The following XYLT1 variants were observed in gnomAD, a reference collection of about 807,000 sequenced individuals.
XYLT1 encodes the protein beta-D-xylosyltransferase 1.
Under a neutral mutation model 91.3 loss-of-function variants are expected in XYLT1, and 36 were observed. That is an observed-to-expected ratio of 0.39 (90% CI 0.30 to 0.52). XYLT1 has a LOEUF of 0.52. XYLT1 is among the 20% of genes least tolerant of loss of function. The probability of loss-of-function intolerance (pLI) is 0.68; values close to 1 mark genes in which losing one functional copy is unlikely to be tolerated. For synonymous variants in XYLT1, 588 were observed against 532.0 expected (o/e 1.11, Z -1.45); for missense variants, 1,242 against 1,284.5 (o/e 0.97, Z 0.51).
rs71137974 is a variant in XYLT1, at chr16:17,140,658, C to CAAAAAAAAAAAAA, written c.1587+482_1587+494dup. 2.9e-4 allele frequency among the ~76,000 whole-genome samples: 20 copies of CAAAAAAAAAAAAA among 68,028 alleles called. 1 individual carries two copies. The highest frequency in any genetic ancestry group is 1.1e-3 in the African/African-American group (19 of 17,108). 44.6% of individuals were successfully genotyped at this position (68,028 alleles called of 152,430 possible). A position where few individuals can be genotyped will look rare whatever the true frequency, so the allele number is the denominator to read the frequency against. ...CCTGGATGACAGAGGAAGACTGTCT[C>CAAAAAAAAAAAAA]AAAAAAAAAAAAAAAAAAAAAAAAA... On this transcript the variant is annotated intron_variant, in intron 7 of 11. Transcript: ENST00000261381.
At chr16:17,425,379 T>C (rs1363901073) in intron 1 of XYLT1, among the ~76,000 whole-genome samples, 2 of 152,168 alleles carry the variant, frequency 1.3e-5, no homozygotes, top group African/African-American at 2.4e-5. Context: ...ACCATTTTTC[T>C]TGGACCTACC....
intron 2 of XYLT1, among the ~76,000 whole-genome samples, chr16:17,303,979 A>C (rs1294238165): frequency 1.3e-5 from 2 of 151,692 alleles, no homozygotes; most frequent in Admixed American, 6.6e-5. Flanking sequence ...TGAGCAATGC[A>C]TGTGTGTATA....
chr16:17,125,738 GTTTGTT>G (rs753810841), intron 10 of XYLT1, among the ~76,000 whole-genome samples: 16 of 152,080 alleles, frequency 1.1e-4, no homozygotes, highest in Non-Finnish European at 2.4e-4. Flanking sequence ...TAGCTGAGCT[GTTTGTT>G]TTTGTTTATC....
chr16:17,444,689 T>C lies in XYLT1; in HGVS notation c.363+25745A>G, dbSNP rs191321477. Among the ~76,000 whole-genome samples, 231 of 152,184 alleles carry C rather than the reference T, an allele frequency of 1.5e-3. 1 individual carries two copies. Among genetic ancestry groups the C allele is most frequent in the African/African-American group, 4.8e-3 (201 of 41,488 alleles). On this transcript the variant is annotated intron_variant, in intron 1 of 11. Transcript: ENST00000261381. ...GCCTAGGAGAGCATGCTGCACATAG[T>C]AGATGCTCAATAAATATTTGTTAAA...
rs141766822 is a variant in XYLT1 at position 17,239,141 on chromosome 16, A to G, written c.913+19847T>C. Among the ~76,000 whole-genome samples the G allele has an allele frequency of 6.6e-5, 10 of 152,314 alleles. No homozygotes were observed. In the East Asian group the frequency reaches 1.9e-3, roughly 29 times the overall value. On this transcript the variant is annotated intron_variant, in intron 3 of 11. Transcript: ENST00000261381. ...TTGAACCTATTGTCATTTCTTGCCTAGACTACCCCAAAGGCATGCTTACTG... is the reference window on the plus strand; with the variant it reads ...TTGAACCTATTGTCATTTCTTGCCTGGACTACCCCAAAGGCATGCTTACTG...
chr16:17,391,835 G>A (rs1191835335), intron 1 of XYLT1, among the ~76,000 whole-genome samples: 3 of 152,118 alleles, frequency 2.0e-5, no homozygotes, highest in Non-Finnish European at 2.9e-5. Context: ...TAAGTCTCAC[G>A]AGATCTGATG....
At chr16:17,137,123 T>TTAAGGGGAA (rs2030758853) in intron 8 of XYLT1, among the ~76,000 whole-genome samples, 1 of 152,014 alleles carries the variant, frequency 6.6e-6, no homozygotes, top group African/African-American at 2.4e-5. Flanking sequence ...TGTGGGAACC[T>TTAAGGGGAA]TAAGGGGAAT....
chr16:17,427,746 G>A (rs1046054013), intron 1 of XYLT1, among the ~76,000 whole-genome samples: 1 of 151,856 alleles, frequency 6.6e-6, no homozygotes, highest in Non-Finnish European at 1.5e-5. Flanking sequence ...TTACATTCGT[G>A]TTTTAAAAGG....
chr16:17,138,244 A>G lies in XYLT1; in HGVS notation c.1764+111T>C. The G allele has an allele frequency of 1.0e-5, 13 of 1,272,386 alleles. No individual in the cohort carries two copies. In the South Asian group the frequency reaches 1.7e-4, roughly 17 times the overall value. The allele number at this position is 1,272,386 out of a possible 1,614,324, so 78.8% of individuals were successfully genotyped here. A position where few individuals can be genotyped will look rare whatever the true frequency, so the allele number is the denominator to read the frequency against. On this transcript the variant is annotated intron_variant, in intron 8 of 11. Coordinates refer to ENST00000261381, the MANE Select transcript of XYLT1 (RefSeq NM_022166.4). ...TAACTATTATTAATTATCAACAGCC[A>G]GGTTTGGGCACCATGTGATAAGATG...
At chr16:17,443,492 C>T (rs373808188) in intron 1 of XYLT1, among the ~76,000 whole-genome samples, 1 of 152,130 alleles carries the variant, frequency 6.6e-6, no homozygotes, top group African/African-American at 2.4e-5. Flanking sequence ...CTCCAGCCAC[C>T]ATGTAAGATG....
At chr16:17,451,978 T>C (rs560583962) in intron 1 of XYLT1, among the ~76,000 whole-genome samples, 142 of 152,316 alleles carry the variant, frequency 9.3e-4, no homozygotes, top group African/African-American at 3.3e-3. Flanking sequence ...AAGTGTGCTG[T>C]GTTTTGATGT....
At chr16:17,190,391 T>C (rs546148154) in intron 5 of XYLT1, among the ~76,000 whole-genome samples, 11 of 151,980 alleles carry the variant, frequency 7.2e-5, no homozygotes, top group Non-Finnish European at 1.5e-4. Flanking sequence ...GTGTGCTGCA[T>C]CCATTAACTT....
chr16:17,329,914 A>G (rs1412688497), intron 2 of XYLT1, among the ~76,000 whole-genome samples: 6 of 152,220 alleles, frequency 3.9e-5, no homozygotes, highest in Admixed American at 2.6e-4. Flanking sequence ...CATAGGTTCC[A>G]GAAGTTTCTA....
At chr16:17,334,300 CTCATGATTGACAA>C (rs2034945768) in intron 2 of XYLT1, among the ~76,000 whole-genome samples, 1 of 152,148 alleles carries the variant, frequency 6.6e-6, no homozygotes, top group African/African-American at 2.4e-5. Context: ...CCAACAGTGC[CTCATGATTGACAA>C]ACTGGTCTTG....
At chr16:17,153,971 T>C (rs1374064820) in intron 6 of XYLT1, among the ~76,000 whole-genome samples, 1 of 152,192 alleles carries the variant, frequency 6.6e-6, no homozygotes, top group East Asian at 1.9e-4. Flanking sequence ...GGAACCAGGT[T>C]CCATCTCAGC....
chr16:17,385,269 TACACACACACACACACAC>T (rs566134163), intron 1 of XYLT1, among the ~76,000 whole-genome samples: 2 of 120,010 alleles, frequency 1.7e-5, no homozygotes, highest in East Asian at 2.7e-4. Flanking sequence ...TAAACACACA[TACACACACACACACACAC>T]ACACACACAC....
intron 6 of XYLT1, among the ~76,000 whole-genome samples, chr16:17,153,576 G>C (rs547723847): frequency 6.6e-6 from 1 of 152,138 alleles, no homozygotes; most frequent in African/African-American, 2.4e-5. Flanking sequence ...CACTGTGCCC[G>C]GCCTCTAAGC....
At position 17,361,316 on chromosome 16, in the gene XYLT1, C is replaced by A. The variant is rs145505765; in HGVS notation, c.364-3266G>T. 3.7e-3 allele frequency among the ~76,000 whole-genome samples: 564 copies of A among 152,242 alleles called. 5 individuals are homozygous for A. Among genetic ancestry groups the A allele is most frequent in the South Asian group, 0.013 (62 of 4,818 alleles). ...CAATCTACAGCGTGCAGCCACGCCC[C>A]GCCTAGATCAGCCGACCCCCTGCCA... On this transcript the variant is annotated intron_variant, in intron 1 of 11. Transcript: ENST00000261381.
intron 5 of XYLT1, among the ~76,000 whole-genome samples, chr16:17,184,928 T>C (rs986204766): frequency 1.3e-5 from 2 of 152,248 alleles, no homozygotes; most frequent in African/African-American, 2.4e-5. Context: ...CTAAAAGTTA[T>C]TTAAGCCAGA....
Sources: gnomAD v4.1 joint callset for allele counts (sites outside exome capture counted in the v4.1 genomes callset) on GRCh38, gnomAD v4.1.1 for gene constraint, MANE v1.5 for transcripts, NCBI Gene and HGNC (gene_info 2026-07-23, HGNC 2026-07-21) for gene names.